The following PRMT8 variants were observed in gnomAD, a reference collection of about 807,000 sequenced individuals.
PRMT8 encodes the protein protein arginine methyltransferase 8.
Under a neutral mutation model 47.1 loss-of-function variants are expected in PRMT8, and 7 were observed. That is an observed-to-expected ratio of 0.15 (90% CI 0.08 to 0.28). PRMT8 has a LOEUF of 0.28. Among genes scored for constraint, PRMT8 ranks in the 10% least tolerant of loss-of-function variants. The pLI is 1.00. For synonymous variants in PRMT8, 188 were observed against 186.5 expected (o/e 1.01, Z -0.07); for missense variants, 237 against 505.4 (o/e 0.47, Z 5.09).
At chr12:3,544,548 TG>T (rs1324151721) in intron 2 of PRMT8, among the ~76,000 whole-genome samples, 2 of 152,028 alleles carry the variant, frequency 1.3e-5, no homozygotes, top group Non-Finnish European at 2.9e-5. Flanking sequence ...CCTACAGAAG[TG>T]GGGGACCGCC....
intron 2 of PRMT8, 40 bp downstream of exon 2, chr12:3,540,831 ACT>A: frequency 6.3e-7 from 1 of 1,582,496 alleles, no homozygotes; most frequent in Non-Finnish European, 8.6e-7. Flanking sequence ...GGCGAGGCTG[ACT>A]CTGCTGTTCT....
intron 1 of PRMT8, among the ~76,000 whole-genome samples, chr12:3,470,502 G>T (rs1865149410): frequency 6.6e-6 from 1 of 152,158 alleles, no homozygotes; most frequent in Non-Finnish European, 1.5e-5. Context: ...CACTAAGTGG[G>T]AGGTCTGTGA....
In PRMT8 at chr12:3,436,803, G is replaced by A. The variant is rs1010387778; in HGVS notation, c.48+55361G>A. On this transcript the variant is annotated intron_variant, in intron 1 of 9. Transcript: ENST00000452611. This position sits in a 1 kb window ranked among gnomAD's most constrained non-coding sequence, Gnocchi z 4.2. ...CTGGGTGATGGGAGAAGCGGATCCA[G>A]CAGGCAAGGCTGCGATTTCTCTCTA... Among the ~76,000 whole-genome samples, 7 of 152,360 alleles carry A rather than the reference G, an allele frequency of 4.6e-5. No individual in the cohort carries two copies. Among genetic ancestry groups the A allele is most frequent in the African/African-American group, 1.7e-4 (7 of 41,586 alleles).
At chr12:3,458,769 T>A (rs1865004155) in intron 1 of PRMT8, among the ~76,000 whole-genome samples, 1 of 152,192 alleles carries the variant, frequency 6.6e-6, no homozygotes, top group African/African-American at 2.4e-5. Flanking sequence ...TTCTGTGGCA[T>A]GGGTGTCACC....
chr12:3,540,613 G>GGCCCCCCCGCCCCCCCCCCCCCCCCC lies in PRMT8; in HGVS notation c.83_84insGCCCCCCCGCCCCCCCCCCCCCCCCC (p.Ser28ArgfsTer47). The GGCCCCCCCGCCCCCCCCCCCCCCCCC allele has an allele frequency of 8.8e-7, 1 of 1,130,522 alleles. No individual in the cohort carries two copies. Among genetic ancestry groups the GGCCCCCCCGCCCCCCCCCCCCCCCCC allele is most frequent in the Non-Finnish European group, 1.3e-6 (1 of 752,492 alleles). The allele number at this position is 1,130,522 out of a possible 1,614,324, so 70.0% of individuals were successfully genotyped here. ...CCCTTCTCTTCCCCTCAGGTGAACAGCCCCCCCTCCCAGCCCCCCCAGCCC... is the reference window on the plus strand; with the variant it reads ...CCCTTCTCTTCCCCTCAGGTGAACAGGCCCCCCCGCCCCCCCCCCCCCCCCCCCCCCCCTCCCAGCCCCCCCAGCCC... On this transcript the variant is annotated frameshift_variant, in exon 2 of 10. Transcript: ENST00000382622. LOFTEE classifies it high-confidence loss of function.
chr12:3,400,320 TAAG>T (rs769083008), intron 1 of PRMT8, among the ~76,000 whole-genome samples: 9 of 152,068 alleles, frequency 5.9e-5, no homozygotes, highest in Non-Finnish European at 1.2e-4. Flanking sequence ...TCAGAAATGA[TAAG>T]GAGGATATCA....
chr12:3,592,495 A>G, intron 9 of PRMT8, 143 bp downstream of exon 9: 5 of 880,240 alleles, frequency 5.7e-6, no homozygotes, highest in Admixed American at 6.8e-5. Context: ...ACATGTGGAC[A>G]TGACTAGGCC....
At chr12:3,454,776 G>A (rs11062654) in intron 1 of PRMT8, among the ~76,000 whole-genome samples, 1 of 152,144 alleles carries the variant, frequency 6.6e-6, no homozygotes, top group African/African-American at 2.4e-5. Flanking sequence ...GTTGTTTGCT[G>A]CCTATTGACC....
intron 1 of PRMT8, among the ~76,000 whole-genome samples, chr12:3,428,753 T>G (rs1330962521): frequency 1.3e-5 from 2 of 152,016 alleles, no homozygotes; most frequent in Non-Finnish European, 2.9e-5. Flanking sequence ...TCTCTTCCTC[T>G]CTCTCTGCCT....
chr12:3,385,574 A>T (rs1361486803), intron 1 of PRMT8, among the ~76,000 whole-genome samples: 1 of 22,744 alleles, frequency 4.4e-5, no homozygotes, highest in Non-Finnish European at 3.3e-4. Flanking sequence ...TCCTTATTAG[A>T]TCAACACTTT....
At chr12:3,464,678 C>T (rs971421624) in intron 1 of PRMT8, among the ~76,000 whole-genome samples, 1 of 152,142 alleles carries the variant, frequency 6.6e-6, no homozygotes, top group African/African-American at 2.4e-5. Context: ...TTAAAAGAAA[C>T]ATCTGACAGA....
chr12:3,514,162 T>G lies in PRMT8; in HGVS notation c.75+22462T>G, dbSNP rs895503913. On this transcript the variant is annotated intron_variant, in intron 1 of 9. Transcript: ENST00000382622. The surrounding 1 kb of genome is among the most constrained non-coding windows in gnomAD (Gnocchi z 5.9). Reference sequence around the variant, plus strand: ...CAGGCTGTGAGCCCTGACTGTTCCATGTGTCAGGCTGCCGTGCAGATGTTC... The same window carrying G: ...CAGGCTGTGAGCCCTGACTGTTCCAGGTGTCAGGCTGCCGTGCAGATGTTC... Among the ~76,000 whole-genome samples the G allele has an allele frequency of 6.6e-6, 1 of 151,244 alleles. No homozygotes were observed. Among genetic ancestry groups the G allele is most frequent in the African/African-American group, 2.4e-5 (1 of 41,158 alleles).
At chr12:3,482,013 C>A (rs535707626) in intron 1 of PRMT8, among the ~76,000 whole-genome samples, 9 of 152,082 alleles carry the variant, frequency 5.9e-5, no homozygotes, top group Non-Finnish European at 1.2e-4. Flanking sequence ...GTTATCCAAT[C>A]GGGGAAAGGA....
chr12:3,469,152 A>G, intron 1 of PRMT8: 4 of 497,970 alleles, frequency 8.0e-6, no homozygotes, highest in Non-Finnish European at 1.6e-5. Context: ...CCCAAGCTGT[A>G]AGTGAAGCTA....
At position 3,566,849 on chromosome 12, in the gene PRMT8, T is replaced by C. The variant is rs1866728558; in HGVS notation, c.482-1857T>C. ...ATGAGAGTTTCAGAGCATGAATATA[T>C]GTAACCTTTCAAAGGAAATGTTCAG... On this transcript the variant is annotated intron_variant, in intron 4 of 9. Coordinates refer to ENST00000382622, the MANE Select transcript of PRMT8 (RefSeq NM_019854.5). This position sits in a 1 kb window ranked among gnomAD's most constrained non-coding sequence, Gnocchi z 4.7. Among the ~76,000 whole-genome samples, 1 of 152,242 alleles carries C rather than the reference T, an allele frequency of 6.6e-6. No individual in the cohort carries two copies. The highest frequency in any genetic ancestry group is 2.4e-5 in the African/African-American group (1 of 41,456).
chr12:3,412,270 A>T (rs927971965), intron 1 of PRMT8, among the ~76,000 whole-genome samples: 17 of 152,218 alleles, frequency 1.1e-4, no homozygotes, highest in African/African-American at 3.9e-4. Flanking sequence ...AAAGTTAAAA[A>T]TTGTACACCT....
At chr12:3,452,027 T>G (rs1443547504) in intron 1 of PRMT8, among the ~76,000 whole-genome samples, 2 of 152,162 alleles carry the variant, frequency 1.3e-5, no homozygotes, top group African/African-American at 2.4e-5. Context: ...GGCCTGCAAT[T>G]TTCTTTAGGA....
chr12:3,569,281 C>T lies in PRMT8; in HGVS notation c.625-196C>T, dbSNP rs1370921833. On this transcript the variant is annotated intron_variant, in intron 5 of 9. Transcript: ENST00000382622. This position sits in a 1 kb window ranked among gnomAD's most constrained non-coding sequence, Gnocchi z 8.2. ...TTGTCCTATTGACTCCACCTAGGTC[C>T]CTTAAATTTTCCTTGCTCCAAAATA... 1.3e-5 allele frequency among the ~76,000 whole-genome samples: 2 copies of T among 152,186 alleles called. No individual in the cohort carries two copies. The highest frequency in any genetic ancestry group is 2.4e-5 in the African/African-American group (1 of 41,440).
intron 2 of PRMT8, among the ~76,000 whole-genome samples, chr12:3,547,416 G>A (rs1221160297): frequency 6.6e-6 from 1 of 150,636 alleles, no homozygotes; most frequent in Non-Finnish European, 1.5e-5. Context: ...AAAATACAAG[G>A]TCATGTATAC....
Sources: allele counts gnomAD v4.1 joint callset (sites outside exome capture counted in the v4.1 genomes callset), GRCh38; gene constraint gnomAD v4.1.1; non-coding constraint Gnocchi (gnomAD v3.1); transcripts MANE v1.5; gene names NCBI Gene and HGNC (gene_info 2026-07-23, HGNC 2026-07-21).